NAALADL2: variants seen among roughly 807,000 people sequenced by gnomAD.
NAALADL2 encodes N-acetylated alpha-linked acidic dipeptidase like 2.
Under a neutral mutation model 87.2 loss-of-function variants are expected in NAALADL2, and 76 were observed. The observed-to-expected ratio is 0.87, with a 90% CI of 0.72 to 1.05. The LOEUF (loss-of-function observed/expected upper bound fraction) is 1.05, where lower values mean the gene tolerates loss of function less well. Ranked by LOEUF, NAALADL2 falls within the 50% of genes least tolerant of loss-of-function variation. The probability of loss-of-function intolerance (pLI) is 0.00; values close to 1 mark genes in which losing one functional copy is unlikely to be tolerated. For missense variants in NAALADL2, 1,089 were observed against 945.8 expected, an observed-to-expected ratio of 1.15 and a Z score of -1.99; for synonymous variants, 354 against 331.0, an observed-to-expected ratio of 1.07 and a Z score of -0.75.
intron 11 of NAALADL2, among the ~76,000 whole-genome samples, chr3:175,733,861 G>A (rs1048714501): frequency 1.2e-4 from 19 of 152,166 alleles, no homozygotes. Context: ...ATCCAGCAGG[G>A]CAGTCAAATC....
chr3:174,931,916 C>A (rs1736950668), intron 1 of NAALADL2, among the ~76,000 whole-genome samples: 1 of 152,180 alleles, frequency 6.6e-6, no homozygotes, highest in African/African-American at 2.4e-5. Context: ...ATTTATAATT[C>A]ATGAGTTTTA....
chr3:175,197,177 T>C (rs1352493147), intron 2 of NAALADL2, among the ~76,000 whole-genome samples: 1 of 151,996 alleles, frequency 6.6e-6, no homozygotes, highest in East Asian at 1.9e-4. Context: ...TCATAGAATA[T>C]GTACTACAAT....
intron 5 of NAALADL2, among the ~76,000 whole-genome samples, chr3:175,421,061 TTTAG>T (rs1168023294): frequency 6.6e-6 from 1 of 152,010 alleles, no homozygotes; most frequent in South Asian, 2.1e-4. Flanking sequence ...GATTGTTGCA[TTTAG>T]TTATTCTCTA....
At chr3:175,035,689 C>T (rs891245153) in intron 1 of NAALADL2, among the ~76,000 whole-genome samples, 2 of 152,142 alleles carry the variant, frequency 1.3e-5, no homozygotes, top group African/African-American at 4.8e-5. Context: ...AAAATTCAGA[C>T]ATCAGATATT....
chr3:175,076,848 G>A lies in NAALADL2; in HGVS notation c.44-19942G>A, dbSNP rs1383290722. Among the ~76,000 whole-genome samples, 7 of 152,258 alleles carry A rather than the reference G, an allele frequency of 4.6e-5. No homozygotes were observed. In the East Asian group the frequency reaches 1.2e-3, roughly 25 times the overall value. ...AATACTTTAAAGGTACTGTTTATGT[G>A]CAAAGATATTGTTCAAATATAGTTC... On this transcript the variant is annotated intron_variant, in intron 1 of 13. Coordinates refer to ENST00000454872, the MANE Select transcript of NAALADL2 (RefSeq NM_207015.3).
intron 4 of NAALADL2, among the ~76,000 whole-genome samples, chr3:175,260,356 C>G (rs371781710): frequency 6.6e-6 from 1 of 152,278 alleles, no homozygotes; most frequent in East Asian, 1.9e-4. Flanking sequence ...GAGGTCCTCT[C>G]TGCAACCCTG....
chr3:174,938,865 G>T (rs763352943), intron 1 of NAALADL2, among the ~76,000 whole-genome samples: 1 of 151,938 alleles, frequency 6.6e-6, no homozygotes, highest in Non-Finnish European at 1.5e-5. Context: ...TTTTAATGAG[G>T]TTGTTTGTTT....
At chr3:174,835,597 A>G (rs1013454711) in intron 3 of NAALADL2, among the ~76,000 whole-genome samples, 2 of 152,212 alleles carry the variant, frequency 1.3e-5, no homozygotes, top group African/African-American at 4.8e-5. Flanking sequence ...TTTGTAAATC[A>G]TATATCTGAT....
At chr3:174,925,082 C>T (rs903843592) in intron 1 of NAALADL2, among the ~76,000 whole-genome samples, 1 of 152,076 alleles carries the variant, frequency 6.6e-6, no homozygotes, top group African/African-American at 2.4e-5. Flanking sequence ...TAATTAGATC[C>T]CATTTGTCAA....
At chr3:174,724,189 A>G (rs1220905947) in intron 2 of NAALADL2, among the ~76,000 whole-genome samples, 1 of 152,210 alleles carries the variant, frequency 6.6e-6, no homozygotes, top group African/African-American at 2.4e-5. Context: ...AAATCATGCC[A>G]TGTAGAGTTT....
chr3:174,648,531 C>G (rs1724036455), intron 2 of NAALADL2, among the ~76,000 whole-genome samples: 1 of 152,044 alleles, frequency 6.6e-6, no homozygotes, highest in African/African-American at 2.4e-5. Flanking sequence ...CCATACAACT[C>G]TTCCTTATAT....
chr3:175,662,690 T>G (rs1175674440), intron 11 of NAALADL2, among the ~76,000 whole-genome samples: 3 of 151,830 alleles, frequency 2.0e-5, no homozygotes, highest in Non-Finnish European at 4.4e-5. Flanking sequence ...TTATTGAGGG[T>G]TTTTATTGTG....
At chr3:175,742,595 C>T (rs1379289337) in intron 12 of NAALADL2, among the ~76,000 whole-genome samples, 2 of 152,054 alleles carry the variant, frequency 1.3e-5, no homozygotes, top group Non-Finnish European at 2.9e-5. Flanking sequence ...GACGGGGTTT[C>T]ACCGTGTTAG....
intron 5 of NAALADL2, among the ~76,000 whole-genome samples, chr3:175,335,119 C>T (rs1334942449): frequency 6.6e-6 from 1 of 152,168 alleles, no homozygotes; most frequent in Non-Finnish European, 1.5e-5. Flanking sequence ...CAAAACCTCA[C>T]CACGTCTACC....
chr3:175,473,760 A>C (rs756104622), intron 9 of NAALADL2, among the ~76,000 whole-genome samples: 9 of 152,138 alleles, frequency 5.9e-5, no homozygotes, highest in Non-Finnish European at 1.2e-4. Context: ...GTAAAAATTA[A>C]AAGAAATACA....
chr3:175,154,845 T>C (rs1299940811), intron 2 of NAALADL2, among the ~76,000 whole-genome samples: 4 of 152,168 alleles, frequency 2.6e-5, no homozygotes, highest in Non-Finnish European at 5.9e-5. Flanking sequence ...TGAAAGCCAC[T>C]GTTTGAAAGG....
chr3:174,718,205 A>G (rs1205261118), intron 2 of NAALADL2, among the ~76,000 whole-genome samples: 3 of 152,314 alleles, frequency 2.0e-5, no homozygotes, highest in Admixed American at 2.0e-4. Context: ...GCAATGAAGC[A>G]TTCTATTTTT....
At chr3:174,713,544 C>A (rs896834402) in intron 2 of NAALADL2, among the ~76,000 whole-genome samples, 3 of 152,200 alleles carry the variant, frequency 2.0e-5, no homozygotes, top group African/African-American at 7.2e-5. Context: ...TTGCATTTCT[C>A]TGATGGCCAG....
intron 4 of NAALADL2, chr3:175,256,813 T>C (rs1173294125): frequency 4.8e-6 from 1 of 207,650 alleles, no homozygotes; most frequent in Non-Finnish European, 9.6e-6. Flanking sequence ...CTTAATAAAA[T>C]TGGCATACTC....
Sources: gnomAD v4.1 joint callset for allele counts (sites outside exome capture counted in the v4.1 genomes callset) on GRCh38, gnomAD v4.1.1 for gene constraint, MANE v1.5 for transcripts, NCBI Gene and HGNC (gene_info 2026-07-23, HGNC 2026-07-21) for gene names.